Variants in PCDH11X observed in about 807,000 individuals in gnomAD.
The protein encoded by PCDH11X is protocadherin-11 X-linked.
A neutral mutation model predicts 53.3 loss-of-function variants in PCDH11X; 18 were observed. The ratio of observed to expected loss-of-function variants is 0.34; its 90% confidence interval spans 0.23 to 0.50. PCDH11X has a LOEUF of 0.50. Among genes scored for constraint, PCDH11X ranks in the 20% least tolerant of loss-of-function variants. The pLI is 0.98. For synonymous variants in PCDH11X, 279 were observed against 393.3 expected (o/e 0.71, Z 3.44); for missense variants, 570 against 1,032.4 (o/e 0.55, Z 6.14).
At chrX:91,838,859 T>C (rs1465608602) in intron 5 of PCDH11X, among the ~76,000 whole-genome samples, 1 of 108,409 alleles carries the variant, frequency 9.2e-6, no homozygotes, top group African/African-American at 3.4e-5. Flanking sequence ...TAGAGAAAAA[T>C]TCTAGGAAAA....
At chrX:91,906,179 C>T (rs73535598) in intron 6 of PCDH11X, among the ~76,000 whole-genome samples, 2,084 of 111,981 alleles carry the variant, frequency 0.019, 66 homozygotes, top group African/African-American at 0.065. Flanking sequence ...CATCAACTTA[C>T]TACAGATATG....
intron 6 of PCDH11X, among the ~76,000 whole-genome samples, chrX:92,163,094 G>A (rs1323122000): frequency 2.9e-5 from 3 of 104,485 alleles, no homozygotes; most frequent in Non-Finnish European, 2.0e-5. Context: ...GCTGTGTCAT[G>A]CAGTTTGTCA....
intron 6 of PCDH11X, among the ~76,000 whole-genome samples, chrX:91,971,701 G>C (rs2061962609): frequency 8.9e-6 from 1 of 111,981 alleles, no homozygotes; most frequent in Admixed American, 9.5e-5. Flanking sequence ...ACAGTGAACA[G>C]AAGCTGTCAG....
At chrX:92,279,818 C>A (rs956333961) in intron 8 of PCDH11X, among the ~76,000 whole-genome samples, 1 of 111,910 alleles carries the variant, frequency 8.9e-6, no homozygotes, top group Non-Finnish European at 1.9e-5. Flanking sequence ...TAATTAACTG[C>A]AGATCTTATA....
chrX:92,216,822 A>T, intron 7 of PCDH11X, among the ~76,000 whole-genome samples: 1 of 103,275 alleles, frequency 9.7e-6, no homozygotes, highest in East Asian at 3.1e-4. Context: ...GTTACCCACA[A>T]AGGGAAGCCC....
At chrX:92,585,285 C>T (rs930842564) in intron 10 of PCDH11X, among the ~76,000 whole-genome samples, 5 of 110,699 alleles carry the variant, frequency 4.5e-5, no homozygotes, top group African/African-American at 1.3e-4. Flanking sequence ...TACAATTCCA[C>T]GTGAGATTTG....
At chrX:92,326,908 G>T (rs1387492903) in intron 8 of PCDH11X, among the ~76,000 whole-genome samples, 6 of 108,219 alleles carry the variant, frequency 5.5e-5, no homozygotes. Flanking sequence ...ATAATTTGCA[G>T]ATGTAATACA....
chrX:92,527,103 G>A (rs1193995764), intron 10 of PCDH11X, among the ~76,000 whole-genome samples: 1 of 111,453 alleles, frequency 9.0e-6, no homozygotes, highest in Non-Finnish European at 1.9e-5. Context: ...GTTGAAGGAT[G>A]GTTACCAGAG....
At chrX:92,413,661 C>A (rs77583737) in intron 9 of PCDH11X, among the ~76,000 whole-genome samples, 130 of 109,324 alleles carry the variant, frequency 1.2e-3, no homozygotes, top group Non-Finnish European at 2.0e-3. Flanking sequence ...TTGCAGCCTG[C>A]AGAGTGGCCG....
intron 6 of PCDH11X, among the ~76,000 whole-genome samples, chrX:92,183,829 G>A (rs868264966): frequency 9.0e-6 from 1 of 111,428 alleles, no homozygotes; most frequent in Non-Finnish European, 1.9e-5. Flanking sequence ...GATATGGCTT[G>A]TGGTTTTGCC....
chrX:91,992,083 G>A (rs1383252563), intron 6 of PCDH11X, among the ~76,000 whole-genome samples: 1 of 107,677 alleles, frequency 9.3e-6, no homozygotes, highest in African/African-American at 3.4e-5. Flanking sequence ...ATTTTTATGA[G>A]CTGGAGGGAT....
intron 6 of PCDH11X, among the ~76,000 whole-genome samples, chrX:92,019,201 C>T (rs1341033619): frequency 1.8e-5 from 2 of 108,824 alleles, no homozygotes; most frequent in Admixed American, 1.0e-4. Flanking sequence ...CCCAGGAGAA[C>T]GGGCGAGTTA....
At chrX:92,118,827 C>T (rs1451987926) in intron 6 of PCDH11X, among the ~76,000 whole-genome samples, 4 of 98,793 alleles carry the variant, frequency 4.0e-5, no homozygotes, top group African/African-American at 1.5e-4. Flanking sequence ...CTGCGAGCTC[C>T]GCCTCCCGGG....
At chrX:92,111,216 C>G (rs1020788339) in intron 6 of PCDH11X, among the ~76,000 whole-genome samples, 128 of 31,750 alleles carry the variant, frequency 4.0e-3, no homozygotes, top group Non-Finnish European at 4.4e-3. Flanking sequence ...AATCACCTAA[C>G]GCTAAAAAAA....
intron 10 of PCDH11X, among the ~76,000 whole-genome samples, chrX:92,505,152 C>CTTTTTTTTTTTTTTTTTTTTTTT (rs58620449): frequency 3.1e-5 from 2 of 64,256 alleles, no homozygotes; most frequent in Non-Finnish European, 2.8e-5. Flanking sequence ...TTTCTTTTTT[C>CTTTTTTTTTTTTTTTTTTTTTTT]TTTTTTTTTT....
chrX:92,468,100 C>A (rs1028554150), intron 9 of PCDH11X, 199 bp from the exon 10 acceptor site: 43 of 338,113 alleles, frequency 1.3e-4, no homozygotes, highest in Non-Finnish European at 1.6e-4. Context: ...TGGTCCAATT[C>A]TATAAAAATG....
At chrX:92,366,428 T>G (rs1427375178) in intron 8 of PCDH11X, among the ~76,000 whole-genome samples, 21 of 111,048 alleles carry the variant, frequency 1.9e-4, no homozygotes, top group Non-Finnish European at 3.6e-4. Flanking sequence ...AAAAAAATCT[T>G]TTCATAAAAC....
In PCDH11X at chrX:92,382,767, G is replaced by A. The variant is rs374598345; in HGVS notation, c.3145-4968G>A. 5.6e-4 allele frequency among the ~76,000 whole-genome samples: 61 copies of A among 109,111 alleles called. No homozygotes were observed. In the East Asian group the frequency reaches 0.011, roughly 20 times the overall value. The allele number at this position is 109,111 out of a possible 115,157, so 94.7% of individuals were successfully genotyped here. On this transcript the variant is annotated intron_variant, in intron 8 of 10. Coordinates refer to ENST00000682573, the MANE Select transcript of PCDH11X (RefSeq NM_032968.5). The stretch of plus-strand genomic sequence containing the variant: ...AGGGCAAATATTTATTCATGAAAAC[G>A]CCAGGATTTATTTCCATCCCATAAA...
chrX:92,144,594 A>AGTTTTTCC (rs1189108776), intron 6 of PCDH11X, among the ~76,000 whole-genome samples: 2,205 of 111,437 alleles, frequency 0.02, 35 homozygotes, highest in African/African-American at 0.047. Flanking sequence ...AAGTCCAATT[A>AGTTTTTCC]AACCTCTTTT....
Sources: allele counts gnomAD v4.1 joint callset (sites outside exome capture counted in the v4.1 genomes callset), GRCh38; gene constraint gnomAD v4.1.1; transcripts MANE v1.5; gene names NCBI Gene and HGNC (gene_info 2026-07-23, HGNC 2026-07-21).